The following STK33 variants were observed in gnomAD, a reference collection of about 807,000 sequenced individuals.
STK33 encodes the protein serine/threonine-protein kinase 33.
In STK33, 52 loss-of-function variants were observed where a neutral mutation model predicts 58.0. The ratio of observed to expected loss-of-function variants is 0.90; its 90% CI spans 0.72 to 1.13. The LOEUF (loss-of-function observed/expected upper bound fraction) is 1.13. Ranked by LOEUF, STK33 falls within the 50% of genes most tolerant of loss-of-function variation. STK33 has a pLI of 0.00. For synonymous variants in STK33, 215 were observed against 200.1 expected, an observed-to-expected ratio of 1.07 and a Z score of -0.63; for missense variants, 630 against 604.2, an observed-to-expected ratio of 1.04 and a Z score of -0.45.
At chr11:8,553,600 T>C (rs972368786) in intron 1 of STK33, among the ~76,000 whole-genome samples, 27 of 152,142 alleles carry the variant, frequency 1.8e-4, no homozygotes, top group Middle Eastern at 3.4e-3. Context: ...AGCATAAAAA[T>C]AGACACACTG....
At chr11:8,355,687 A>C in the STK33 span, among the ~76,000 whole-genome samples, 1 of 152,208 alleles carries the variant, frequency 6.6e-6, no homozygotes, top group East Asian at 1.9e-4. Flanking sequence ...CCACTTACCA[A>C]CAGGCCACTA....
chr11:8,544,552 T>A (rs1955771111), intron 1 of STK33, among the ~76,000 whole-genome samples: 2 of 151,734 alleles, frequency 1.3e-5, no homozygotes, highest in African/African-American at 2.4e-5. Flanking sequence ...GTAAGGAAAG[T>A]GAACTATATA....
intron 6 of STK33, chr11:8,467,200 T>C (rs1384173147): frequency 1.3e-5 from 2 of 152,230 alleles, no homozygotes; most frequent in African/African-American, 4.8e-5. Context: ...GCAGCCAGCT[T>C]GAATTTCTCC....
At chr11:8,419,095 A>T (rs1941546608) in intron 14 of STK33, among the ~76,000 whole-genome samples, 2 of 152,096 alleles carry the variant, frequency 1.3e-5, no homozygotes, top group South Asian at 4.1e-4. Flanking sequence ...ATTACATACC[A>T]CTTGTCATTT....
At chr11:8,489,822 C>T (rs1243497440) in intron 1 of STK33, among the ~76,000 whole-genome samples, 1 of 152,082 alleles carries the variant, frequency 6.6e-6, no homozygotes, top group Non-Finnish European at 1.5e-5. Context: ...AAAATGAAAA[C>T]TTCACTACAG....
At chr11:8,508,839 G>A (rs994255103) in intron 1 of STK33, among the ~76,000 whole-genome samples, 4 of 152,156 alleles carry the variant, frequency 2.6e-5, no homozygotes, top group African/African-American at 7.2e-5. Flanking sequence ...ACTCATGGCC[G>A]GGCTCAGTGG....
intron 14 of STK33, among the ~76,000 whole-genome samples, chr11:8,432,114 A>T (rs1245077602): frequency 2.0e-5 from 3 of 152,358 alleles, no homozygotes; most frequent in Non-Finnish European, 2.9e-5. Context: ...GTGTACACAC[A>T]ATGTGTTGAA....
At chr11:8,388,879 C>A, downstream of STK33, among the ~76,000 whole-genome samples, 1 of 152,234 alleles carries the variant, frequency 6.6e-6, no homozygotes, top group Non-Finnish European at 1.5e-5. Flanking sequence ...GAACATCTCC[C>A]CACCAGCCCC....
intron 1 of STK33, among the ~76,000 whole-genome samples, chr11:8,513,047 T>C (rs965495788): frequency 6.6e-6 from 1 of 152,204 alleles, no homozygotes; most frequent in Admixed American, 6.5e-5. Flanking sequence ...CAAATGACAA[T>C]TGATTCTTTG....
intron 1 of STK33, among the ~76,000 whole-genome samples, chr11:8,576,830 T>G (rs1958219829): frequency 6.6e-6 from 1 of 152,132 alleles, no homozygotes; most frequent in Non-Finnish European, 1.5e-5. Context: ...CTAACAACAA[T>G]GCTATAAAAT....
intron 1 of STK33, among the ~76,000 whole-genome samples, chr11:8,483,989 G>A (rs1330509996): frequency 1.3e-5 from 2 of 152,150 alleles, no homozygotes; most frequent in Non-Finnish European, 2.9e-5. Flanking sequence ...CCATTTGAGA[G>A]TCTAAAGACC....
chr11:8,578,846 C>T (rs10160805), intron 1 of STK33, among the ~76,000 whole-genome samples: 70,149 of 151,644 alleles, frequency 0.46, 16,389 homozygotes, highest in Non-Finnish European at 0.5. Flanking sequence ...GGGTTTAAGT[C>T]CCCATTCTTC....
intron 1 of STK33, among the ~76,000 whole-genome samples, chr11:8,557,869 T>C (rs190180123): frequency 1.4e-4 from 22 of 152,348 alleles, no homozygotes; most frequent in Non-Finnish European, 7.3e-5. Flanking sequence ...GCCACAAACT[T>C]GGTGCAAGGC....
chr11:8,547,127 ATT>A (rs1404988468), intron 1 of STK33, among the ~76,000 whole-genome samples: 1 of 152,108 alleles, frequency 6.6e-6, no homozygotes, highest in Non-Finnish European at 1.5e-5. Context: ...AAAATATCAC[ATT>A]GTTGTTTTGA....
At chr11:8,589,180 G>C (rs1367260973) in intron 1 of STK33, among the ~76,000 whole-genome samples, 1 of 151,966 alleles carries the variant, frequency 6.6e-6, no homozygotes, top group Admixed American at 6.6e-5. Flanking sequence ...CAGAAGAACT[G>C]ATAATATATG....
At chr11:8,503,598 C>G (rs1951671751) in intron 1 of STK33, among the ~76,000 whole-genome samples, 1 of 152,182 alleles carries the variant, frequency 6.6e-6, no homozygotes, top group Non-Finnish European at 1.5e-5. Flanking sequence ...CAAACCTGCA[C>G]ATGGACCCCT....
At chr11:8,464,687 G>C in intron 7 of STK33, 22 bp downstream of exon 7, 9 of 1,557,222 alleles carry the variant, frequency 5.8e-6, no homozygotes, top group Non-Finnish European at 8.0e-6. Context: ...GCCCTCAGTA[G>C]GATGCTGCTA....
intron 10 of STK33, among the ~76,000 whole-genome samples, chr11:8,454,241 G>A (rs754611686): frequency 1.1e-4 from 17 of 152,236 alleles, no homozygotes; most frequent in African/African-American, 3.4e-4. Flanking sequence ...ATAATGTATC[G>A]TAGCATTTAT....
chr11:8,346,446 G>A, the STK33 span, among the ~76,000 whole-genome samples: 1 of 152,206 alleles, frequency 6.6e-6, no homozygotes, highest in African/African-American at 2.4e-5. Context: ...GAGGACTTGG[G>A]GGCTGAATGT....
Sources: gnomAD v4.1 joint callset for allele counts (sites outside exome capture counted in the v4.1 genomes callset) on GRCh38, gnomAD v4.1.1 for gene constraint, MANE v1.5 for transcripts, NCBI Gene and HGNC (gene_info 2026-07-23, HGNC 2026-07-21) for gene names.